Variants in CFAP47 observed in about 807,000 individuals in gnomAD.
CFAP47 encodes cilia and flagella associated protein 47, also known as cilia- and flagella-associated protein 47.
A neutral mutation model predicts 148.1 loss-of-function variants in CFAP47; 29 were observed. The ratio of observed to expected loss-of-function variants is 0.20; its 90% CI spans 0.15 to 0.27. The LOEUF (loss-of-function observed/expected upper bound fraction) is 0.27, where lower values mean the gene tolerates loss of function less well. Ranked by LOEUF, CFAP47 falls within the 10% of genes least tolerant of loss-of-function variation. CFAP47 has a pLI of 1.00. For missense variants in CFAP47, 1,872 were observed against 1,697.5 expected (o/e 1.10, Z -1.81); for synonymous variants, 664 against 577.3 (o/e 1.15, Z -2.15).
At chrX:36,135,498 A>T (rs898704725) in intron 33 of CFAP47, among the ~76,000 whole-genome samples, 22 of 111,714 alleles carry the variant, frequency 2.0e-4, no homozygotes, top group South Asian at 3.7e-4. Flanking sequence ...ACATAGGTGC[A>T]TCTTAAATGA....
intron 25 of CFAP47, among the ~76,000 whole-genome samples, chrX:36,040,078 C>T (rs759925800): frequency 2.7e-5 from 3 of 111,612 alleles, no homozygotes; most frequent in South Asian, 3.8e-4. Context: ...CACATGGCTA[C>T]TTGTCTCCTG....
chrX:36,027,142 TTATATATATGATTATA>T (rs1937228330), intron 22 of CFAP47, among the ~76,000 whole-genome samples: 1 of 103,643 alleles, frequency 9.6e-6, no homozygotes. Flanking sequence ...ATATATATGA[TTATATATATGATTATA>T]TATATGTGAT....
At chrX:36,345,481 G>A (rs1941689706) in intron 57 of CFAP47, among the ~76,000 whole-genome samples, 2 of 111,220 alleles carry the variant, frequency 1.8e-5, no homozygotes, top group South Asian at 7.7e-4. Context: ...GATCTAACAG[G>A]AGGCAGAGCT....
At chrX:36,290,243 T>G (rs1379986879) in intron 51 of CFAP47, among the ~76,000 whole-genome samples, 1 of 111,904 alleles carries the variant, frequency 8.9e-6, no homozygotes, top group Non-Finnish European at 1.9e-5. Context: ...AGGAAATGTT[T>G]ATTCCAAGTT....
At chrX:36,269,361 A>AT (rs1276116977) in intron 49 of CFAP47, among the ~76,000 whole-genome samples, 1 of 112,137 alleles carries the variant, frequency 8.9e-6, no homozygotes, top group Non-Finnish European at 1.9e-5. Context: ...ACTAACAGAG[A>AT]TTTTAGATAG....
intron 57 of CFAP47, among the ~76,000 whole-genome samples, chrX:36,325,134 C>T (rs782120607): frequency 9.2e-4 from 103 of 111,662 alleles, no homozygotes; most frequent in Non-Finnish European, 1.4e-3. Flanking sequence ...TTTTGGCATA[C>T]CTTTGTATCA....
At chrX:36,329,680 A>T (rs1941548456) in intron 57 of CFAP47, among the ~76,000 whole-genome samples, 1 of 112,177 alleles carries the variant, frequency 8.9e-6, no homozygotes, top group African/African-American at 3.2e-5. Context: ...TTTTGTTATT[A>T]AAAATCTATT....
Position 36,205,095 on chromosome X carries a change from C to T in CFAP47, c.6802C>T (p.Leu2268Phe). ...PWIPEPQVIK[L>F]SKAKASDGSV... is the part of the protein sequence containing the mutation. ...GATTCCAGAACCTCAAGTAATTAAA[C>T]TTTCAAAAGCAAAAGGTAATCAGTG... Residue 2268 changes from leucine (L) to phenylalanine (F), a missense_variant, in exon 45 of 64, where the codon CTT (leucine) becomes TTT (phenylalanine). Physicochemically the swap from Leu to Phe is conservative, Grantham distance 22. Coordinates refer to ENST00000378653, the MANE Select transcript of CFAP47 (RefSeq NM_001304548.2). 1 of 296,416 alleles carries T rather than the reference C, an allele frequency of 3.4e-6. No individual in the cohort carries two copies. Among genetic ancestry groups the T allele is most frequent in the Non-Finnish European group, 5.9e-6 (1 of 169,468 alleles). 24.4% of individuals were successfully genotyped at this position (296,416 alleles called of 1,213,427 possible). A position where few individuals can be genotyped will look rare whatever the true frequency, so the allele number is the denominator to read the frequency against.
chrX:36,058,318 TTAGAG>T (rs1313046527), intron 26 of CFAP47, among the ~76,000 whole-genome samples: 1 of 111,973 alleles, frequency 8.9e-6, no homozygotes, highest in East Asian at 2.8e-4. Flanking sequence ...GTATTACCTC[TTAGAG>T]TATATAATGA....
chrX:36,234,685 G>A (rs1224552877), intron 46 of CFAP47, among the ~76,000 whole-genome samples: 1 of 111,919 alleles, frequency 8.9e-6, no homozygotes, highest in African/African-American at 3.3e-5. Flanking sequence ...GAGGAGGAGA[G>A]GTGCTCTGCT....
intron 37 of CFAP47, among the ~76,000 whole-genome samples, chrX:36,156,892 A>C (rs1939373971): frequency 9.0e-6 from 1 of 111,339 alleles, no homozygotes; most frequent in Admixed American, 9.6e-5. Flanking sequence ...TTTATCTCAT[A>C]AAAAGGATAC....
chrX:36,048,924 C>T (rs1164994701), intron 26 of CFAP47, among the ~76,000 whole-genome samples: 2 of 111,057 alleles, frequency 1.8e-5, no homozygotes, highest in Non-Finnish European at 3.8e-5. Flanking sequence ...TGAATTCTGG[C>T]AAGACTTAGC....
intron 2 of CFAP47, among the ~76,000 whole-genome samples, chrX:35,939,525 A>G (rs1487412461): frequency 5.3e-5 from 5 of 94,519 alleles, no homozygotes; most frequent in Non-Finnish European, 1.0e-4. Flanking sequence ...ATTCCCACAT[A>G]TGAGTGAGAA....
At position 36,046,016 on chromosome X, in the gene CFAP47, A is replaced by G. The variant is rs190954528; in HGVS notation, c.4008-838A>G. ...ACTGAATTATTTTCAAACTGGATTT[A>G]TAAATTACTTTCCATGTTTTTATTC... is the stretch of plus-strand genomic sequence containing the variant. On this transcript the variant is annotated intron_variant, in intron 25 of 63. Coordinates refer to ENST00000378653, the MANE Select transcript of CFAP47 (RefSeq NM_001304548.2). 7.5e-4 allele frequency among the ~76,000 whole-genome samples: 84 copies of G among 111,734 alleles called. No homozygotes were observed. In the East Asian group the frequency reaches 0.021, roughly 28 times the overall value.
rs867526129 is a variant in CFAP47 at position 35,939,666 on chromosome X, T to A, written c.402-1617T>A. Among the ~76,000 whole-genome samples the A allele has an allele frequency of 8.5e-4, 69 of 81,267 alleles. 1 individual carries two copies. The South Asian group carries it at 0.021, about 25-fold the overall frequency. The allele number at this position is 81,267 out of a possible 115,157, so 70.6% of individuals were successfully genotyped here. A position where few individuals can be genotyped will look rare whatever the true frequency, so the allele number is the denominator to read the frequency against. On this transcript the variant is annotated intron_variant, in intron 2 of 63. Transcript: ENST00000378653. ...TGCATAGTATTCCATGGTGTATATG[T>A]GCCACATTTTCTTAATCCAGTCTAT...
At chrX:36,366,631 CCTT>C (rs201237870) in intron 61 of CFAP47, among the ~76,000 whole-genome samples, 3,570 of 111,475 alleles carry the variant, frequency 0.032, 144 homozygotes, top group African/African-American at 0.11. Flanking sequence ...TCCACCCTTA[CCTT>C]CTTATGCACT....
At chrX:36,161,411 T>C (rs1371431004) in intron 39 of CFAP47, among the ~76,000 whole-genome samples, 5 of 111,712 alleles carry the variant, frequency 4.5e-5, no homozygotes, top group Non-Finnish European at 7.5e-5. Flanking sequence ...AATTGAAATA[T>C]CAATTTAAGC....
intron 15 of CFAP47, among the ~76,000 whole-genome samples, chrX:35,981,237 T>C (rs1314784340): frequency 9.2e-6 from 1 of 108,294 alleles, no homozygotes; most frequent in Non-Finnish European, 1.9e-5. Context: ...GAATAAAGAA[T>C]AAAAATACAT....
At chrX:36,261,856 G>C (rs1158491360) in intron 49 of CFAP47, among the ~76,000 whole-genome samples, 11 of 111,470 alleles carry the variant, frequency 9.9e-5, no homozygotes, top group African/African-American at 3.6e-4. Context: ...TCCCAGACGG[G>C]GTGGTGGCCG....
Sources: gnomAD v4.1 joint callset for allele counts (sites outside exome capture counted in the v4.1 genomes callset) on GRCh38, gnomAD v4.1.1 for gene constraint, MANE v1.5 for transcripts, NCBI Gene and HGNC (gene_info 2026-07-23, HGNC 2026-07-21) for gene names.